The following ANKS1B variants were observed in gnomAD, a reference collection of about 807,000 sequenced individuals.
The protein encoded by ANKS1B is ankyrin repeat and sterile alpha motif domain-containing protein 1B.
A neutral mutation model predicts 148.3 loss-of-function variants in ANKS1B; 36 were observed. That is an observed-to-expected ratio of 0.24 (90% CI 0.19 to 0.32). ANKS1B has a LOEUF of 0.32. ANKS1B is among the 10% of genes least tolerant of loss of function. The pLI, the probability that ANKS1B is intolerant of heterozygous loss-of-function variation, is 1.00. For synonymous variants in ANKS1B, 542 were observed against 560.8 expected, an observed-to-expected ratio of 0.97 and a Z score of 0.47; for missense variants, 1,157 against 1,542.6, an observed-to-expected ratio of 0.75 and a Z score of 4.19.
intron 1 of ANKS1B, among the ~76,000 whole-genome samples, chr12:99,853,234 A>C (rs999290099): frequency 6.6e-6 from 1 of 152,094 alleles, no homozygotes; most frequent in Non-Finnish European, 1.5e-5. Context: ...ACTGGAGCTG[A>C]TGCGCTCTTG....
intron 10 of ANKS1B, among the ~76,000 whole-genome samples, chr12:99,497,853 C>T (rs889024955): frequency 6.6e-6 from 1 of 151,974 alleles, no homozygotes; most frequent in African/African-American, 2.4e-5. Flanking sequence ...CTCTCTCCAC[C>T]CCCACCTCCA....
At chr12:99,188,178 C>G (rs1423177842) in intron 14 of ANKS1B, among the ~76,000 whole-genome samples, 1 of 152,134 alleles carries the variant, frequency 6.6e-6, no homozygotes, top group South Asian at 2.1e-4. Context: ...AATAGAGGAG[C>G]ACCCAGATTC....
chr12:99,171,847 C>A (rs2077798206), intron 14 of ANKS1B, among the ~76,000 whole-genome samples: 1 of 152,094 alleles, frequency 6.6e-6, no homozygotes, highest in Non-Finnish European at 1.5e-5. Context: ...AGTCATTGAG[C>A]CAGTCTGTGT....
chr12:99,928,271 A>ATTTTTTT (rs763106581), intron 1 of ANKS1B, among the ~76,000 whole-genome samples: 5 of 99,064 alleles, frequency 5.0e-5, no homozygotes, highest in South Asian at 5.0e-4. Flanking sequence ...ATTTTATTTT[A>ATTTTTTT]TTTTTTTTTT....
intron 9 of ANKS1B, among the ~76,000 whole-genome samples, chr12:99,566,298 T>C (rs2097393279): frequency 6.6e-6 from 1 of 152,188 alleles, no homozygotes; most frequent in African/African-American, 2.4e-5. Context: ...TCCTTAGCAC[T>C]ACATACAAGC....
At position 99,378,104 on chromosome 12, in the gene ANKS1B, A is replaced by G. The variant is rs539233312; in HGVS notation, c.1756+21527T>C. Among the ~76,000 whole-genome samples, 12 of 152,356 alleles carry G rather than the reference A, an allele frequency of 7.9e-5. No individual in the cohort carries two copies. The East Asian group carries it at 2.1e-3, about 27-fold the overall frequency. On this transcript the variant is annotated intron_variant, in intron 12 of 26. Transcript: ENST00000683438. ...TCAAAAAGATCTAAGGCTATACCTC[A>G]TAGATCATTTAAGAACCACAAAAGG...
At chr12:99,085,789 C>T (rs564913662) in intron 15 of ANKS1B, among the ~76,000 whole-genome samples, 49 of 152,226 alleles carry the variant, frequency 3.2e-4, no homozygotes, top group Non-Finnish European at 4.9e-4. Flanking sequence ...CACATGTTCT[C>T]GCTTATAAGT....
At chr12:98,846,632 A>T (rs1199306447) in intron 17 of ANKS1B, among the ~76,000 whole-genome samples, 2 of 152,246 alleles carry the variant, frequency 1.3e-5, no homozygotes, top group African/African-American at 2.4e-5. Flanking sequence ...CACACTCTGC[A>T]ATAAAGCAGG....
intron 17 of ANKS1B, chr12:98,895,257 T>G (rs1440791355): frequency 1.0e-6 from 1 of 985,418 alleles, no homozygotes; most frequent in Non-Finnish European, 1.2e-6. Context: ...AGGCACTCGC[T>G]GCTGCTGGGC....
chr12:99,145,645 T>A (rs889788723), intron 15 of ANKS1B, among the ~76,000 whole-genome samples: 5 of 152,068 alleles, frequency 3.3e-5, no homozygotes, highest in African/African-American at 1.2e-4. Flanking sequence ...ATAAAGTCTC[T>A]CAAAGGACCA....
At chr12:98,969,996 T>C (rs1461382902) in intron 17 of ANKS1B, among the ~76,000 whole-genome samples, 1 of 152,202 alleles carries the variant, frequency 6.6e-6, no homozygotes, top group Non-Finnish European at 1.5e-5. Context: ...AATCTTCACA[T>C]TTCCTCCTTT....
chr12:99,110,126 T>C (rs1045724743), intron 15 of ANKS1B, among the ~76,000 whole-genome samples: 6 of 152,196 alleles, frequency 3.9e-5, no homozygotes, highest in African/African-American at 1.4e-4. Flanking sequence ...GTGGTATTTC[T>C]ACATTGCTTT....
chr12:99,452,786 C>T (rs886824323), intron 10 of ANKS1B, among the ~76,000 whole-genome samples: 1 of 152,160 alleles, frequency 6.6e-6, no homozygotes, highest in Non-Finnish European at 1.5e-5. Flanking sequence ...AGTAACAATT[C>T]TCTTAAATAT....
chr12:99,557,532 A>G (rs1169848024), intron 9 of ANKS1B, among the ~76,000 whole-genome samples: 1 of 151,936 alleles, frequency 6.6e-6, no homozygotes, highest in Non-Finnish European at 1.5e-5. Context: ...TCCTTCTTAA[A>G]ATGGCCATTT....
intron 17 of ANKS1B, among the ~76,000 whole-genome samples, chr12:98,833,390 T>G (rs951544457): frequency 6.6e-6 from 1 of 152,198 alleles, no homozygotes; most frequent in Admixed American, 6.5e-5. Context: ...AAAAACACAT[T>G]GTATATTCAT....
At chr12:99,173,102 T>A (rs2077969460) in intron 14 of ANKS1B, among the ~76,000 whole-genome samples, 1 of 152,180 alleles carries the variant, frequency 6.6e-6, no homozygotes, top group Admixed American at 6.6e-5. Context: ...CCATCACTCT[T>A]CAGCAGATGT....
intron 8 of ANKS1B, among the ~76,000 whole-genome samples, chr12:99,676,419 C>G (rs2153476268): frequency 6.6e-6 from 1 of 152,162 alleles, no homozygotes; most frequent in Middle Eastern, 3.4e-3. Flanking sequence ...AAAAAACAAG[C>G]TTTTTAAAGA....
At chr12:99,614,149 T>C (rs577480980) in intron 9 of ANKS1B, among the ~76,000 whole-genome samples, 19 of 152,024 alleles carry the variant, frequency 1.2e-4, no homozygotes, top group South Asian at 4.2e-4. Flanking sequence ...TGAAAATCCA[T>C]AGAGGCTGGG....
intron 17 of ANKS1B, among the ~76,000 whole-genome samples, chr12:98,833,091 A>G (rs984129556): frequency 1.2e-4 from 18 of 152,124 alleles, no homozygotes; most frequent in African/African-American, 3.6e-4. Context: ...GGCACATGGT[A>G]GAAGAGCTCT....
Sources: allele counts gnomAD v4.1 joint callset (sites outside exome capture counted in the v4.1 genomes callset), GRCh38; gene constraint gnomAD v4.1.1; transcripts MANE v1.5; gene names NCBI Gene and HGNC (gene_info 2026-07-23, HGNC 2026-07-21).